The following PIPOX variants were observed in gnomAD, a reference collection of about 807,000 sequenced individuals.
PIPOX encodes peroxisomal sarcosine oxidase.
In PIPOX, 45 loss-of-function variants were observed where a neutral mutation model predicts 47.9. The ratio of observed to expected loss-of-function variants is 0.94; its 90% CI spans 0.74 to 1.20. The LOEUF is 1.20. PIPOX is among the 50% of genes most tolerant of loss of function. PIPOX has a pLI of 0.00. For missense variants in PIPOX, 458 were observed against 498.4 expected, an observed-to-expected ratio of 0.92 and a Z score of 0.77; for synonymous variants, 165 against 191.3, an observed-to-expected ratio of 0.86 and a Z score of 1.13.
intron 2 of PIPOX, among the ~76,000 whole-genome samples, chr17:29,049,573 G>A (rs8066520): frequency 0.22 from 33,846 of 152,116 alleles, 4,502 homozygotes; most frequent in African/African-American, 0.38. Context: ...CTCCAATCCC[G>A]GTTTTGACTG....
At chr17:29,049,517 G>T (rs1411173772) in intron 2 of PIPOX, among the ~76,000 whole-genome samples, 39 of 152,160 alleles carry the variant, frequency 2.6e-4, no homozygotes, top group Admixed American at 2.6e-3. Flanking sequence ...TTTTCAATCT[G>T]CCCATGGAAG....
Position 29,053,403 on chromosome 17 carries a change from G to A in PIPOX, c.478-10G>A. The A allele has an allele frequency of 6.2e-7, 1 of 1,605,936 alleles. No homozygotes were observed. Among genetic ancestry groups the A allele is most frequent in the East Asian group, 2.2e-5 (1 of 44,706 alleles). On this transcript the variant is annotated splice_polypyrimidine_tract_variant and intron_variant, in intron 3 of 7. Transcript: ENST00000323372. ...AACTAATTCACCTTTCCCTGCTCCT[G>A]CCCTTTCAGGATGCAATTCGACAGC... is the stretch of plus-strand genomic sequence containing the variant.
At chr17:29,046,814 G>C (rs1388235979) in intron 2 of PIPOX, 2 of 950,262 alleles carry the variant, frequency 2.1e-6, no homozygotes, top group Non-Finnish European at 2.5e-6. Context: ...GACACGCTCA[G>C]CTGTGTGGTT....
At position 29,052,924 on chromosome 17, in the gene PIPOX, A is replaced by T. The variant is rs778715996; in HGVS notation, c.268A>T (p.Thr90Ser). Residue 90 changes from threonine (T) to serine (S), a missense_variant, in exon 3 of 8, where the codon ACT (threonine) becomes TCT (serine). By Grantham distance (58) the Thr-to-Ser change is moderately conservative. Coordinates refer to ENST00000323372, the MANE Select transcript of PIPOX (RefSeq NM_016518.3). Reference sequence around the variant, plus strand: ...AGGTGACTTATTTTTTAACAGGCAGACTGGATTACTGCTGCTGGGAATGAA... The same window carrying T: ...AGGTGACTTATTTTTTAACAGGCAGTCTGGATTACTGCTGCTGGGAATGAA... ...HEAGTQLHRQ[T>S]GLLLLGMKEN... The T allele has an allele frequency of 3.1e-6, 5 of 1,614,080 alleles. No homozygotes were observed. Among genetic ancestry groups the T allele is most frequent in the Non-Finnish European group, 4.2e-6 (5 of 1,179,902 alleles).
Position 29,054,646 on chromosome 17 carries a change from C to CCACATCCCCCA in PIPOX, c.768_769insCCCCACACATC (p.Tyr257ProfsTer15). ...TCCTGTGGCTGGGCTTGTGTCCCCA[C>CCACATCCCCCA]CACATCTACGGACTGCCCACAGGAG... On this transcript the variant is annotated frameshift_variant, in exon 5 of 8. Transcript: ENST00000323372. LOFTEE classifies it high-confidence loss of function. 1.9e-6 allele frequency: 3 copies of CCACATCCCCCA among 1,614,198 alleles called. No homozygotes were observed. In the Admixed American group the frequency reaches 5.0e-5, roughly 27 times the overall value.
At chr17:29,053,725 C>A in intron 4 of PIPOX, 130 bp downstream of exon 4, 1 of 579,182 alleles carries the variant, frequency 1.7e-6, no homozygotes, top group Admixed American at 3.1e-5. Flanking sequence ...CCTCACCGAG[C>A]CTCAGTTTTA....
rs2065821434 is a variant in PIPOX at position 29,054,965 on chromosome 17, G to A, written c.808-98G>A. 14 of 1,491,434 alleles carry A rather than the reference G, an allele frequency of 9.4e-6. No individual in the cohort carries two copies. In the South Asian group the frequency reaches 1.3e-4, roughly 14 times the overall value. 92.4% of individuals were successfully genotyped at this position (1,491,434 alleles called of 1,614,324 possible). On this transcript the variant is annotated intron_variant, in intron 5 of 7. Transcript: ENST00000323372. The stretch of plus-strand genomic sequence containing the variant: ...TGCCAGGAGTGGGGAAGGCTGGAAT[G>A]ATGGATGGGGCTGTCCTGTGTACAC...
At chr17:29,053,623 G>A in intron 4 of PIPOX, 28 bp downstream of exon 4, 1 of 1,536,494 alleles carries the variant, frequency 6.5e-7, no homozygotes. Flanking sequence ...CCCGAGAGTT[G>A]GTGCTCAAGA....
chr17:29,043,179 C>T lies in PIPOX; in HGVS notation c.-47C>T, dbSNP rs1225627800. On this transcript the variant is annotated 5_prime_UTR_variant, in exon 1 of 8. Transcript: ENST00000323372. ...TCCTTTAGCCGGGAGCCTGTCTTTGCTTGCCTTTGCCTTTGAGGCTCTGTG... is the reference window on the plus strand; with the variant it reads ...TCCTTTAGCCGGGAGCCTGTCTTTGTTTGCCTTTGCCTTTGAGGCTCTGTG... The T allele has an allele frequency of 6.8e-7, 1 of 1,466,094 alleles. No individual in the cohort carries two copies. Among genetic ancestry groups the T allele is most frequent in the Admixed American group, 1.7e-5 (1 of 57,836 alleles). The allele number at this position is 1,466,094 out of a possible 1,614,324, so 90.8% of individuals were successfully genotyped here.
At chr17:29,044,443 G>T (rs1368442455) in intron 1 of PIPOX, 2 of 154,184 alleles carry the variant, frequency 1.3e-5, no homozygotes, top group African/African-American at 4.8e-5. Context: ...TCAGTAAATT[G>T]GTCATAAAGA....
Position 29,055,870 on chromosome 17 carries a change from A to G in PIPOX, c.1024A>G (p.Ile342Val). Residue 342 changes from isoleucine to valine, a missense_variant, in exon 7 of 8, where the codon ATT becomes GTT. Coordinates refer to ENST00000323372, the MANE Select transcript of PIPOX (RefSeq NM_016518.3). ...CCACCCAAAGTATGACAACATTGTC[A>G]TTGGTGCTGGATTCTCTGGTGAGTC... is the stretch of plus-strand genomic sequence containing the variant. ...DRHPKYDNIV[I>V]GAGFSGHGFK... The G allele has an allele frequency of 6.2e-7, 1 of 1,613,916 alleles. No homozygotes were observed. Among genetic ancestry groups the G allele is most frequent in the Non-Finnish European group, 8.5e-7 (1 of 1,179,796 alleles).
At chr17:29,045,403 CTTTTTTTTTTTTTTTT>C (rs57047541) in intron 2 of PIPOX, among the ~76,000 whole-genome samples, 6 of 50,952 alleles carry the variant, frequency 1.2e-4, no homozygotes, top group African/African-American at 2.4e-4. Flanking sequence ...CAGGAGGATT[CTTTTTTTTTTTTTTTT>C]TTTTTTTTTT....
chr17:29,045,081 C>T lies in PIPOX; in HGVS notation c.263+74C>T, dbSNP rs139463543. 1.2e-3 allele frequency: 1,802 copies of T among 1,454,970 alleles called. 3 individuals are homozygous for T. Among genetic ancestry groups the T allele is most frequent in the Middle Eastern group, 1.6e-3 (7 of 4,296 alleles). The allele number at this position is 1,454,970 out of a possible 1,614,324, so 90.1% of individuals were successfully genotyped here. On this transcript the variant is annotated intron_variant, in intron 2 of 7. Coordinates refer to ENST00000323372, the MANE Select transcript of PIPOX (RefSeq NM_016518.3). ...GTACTTTTAGTGTGTGAAGTGGCAG[C>T]GCCATGGAACATTTGGAATGCAATG...
chr17:29,049,740 C>T (rs1048199901), intron 2 of PIPOX, among the ~76,000 whole-genome samples: 5 of 152,188 alleles, frequency 3.3e-5, no homozygotes, highest in South Asian at 2.1e-4. Flanking sequence ...TCTCCAGCAG[C>T]GCACGGTTTC....
chr17:29,052,792 C>A (rs1321604095), intron 2 of PIPOX, 128 bp from the exon 3 acceptor site: 2 of 769,180 alleles, frequency 2.6e-6, no homozygotes, highest in Non-Finnish European at 2.2e-6. Context: ...TGCTAGTGAA[C>A]AAATTAGTGG....
chr17:29,051,987 A>G lies in PIPOX; in HGVS notation c.264-933A>G, dbSNP rs150034444. On this transcript the variant is annotated intron_variant, in intron 2 of 7. Transcript: ENST00000323372. ...ATCAGTTGTTCAACAGGCACGTTACAGAGGAGGAATCTGGGCCCAGAGAGG... is the reference window on the plus strand; with the variant it reads ...ATCAGTTGTTCAACAGGCACGTTACGGAGGAGGAATCTGGGCCCAGAGAGG... 1.9e-3 allele frequency: 872 copies of G among 471,142 alleles called. 8 individuals are homozygous for G. Among genetic ancestry groups the G allele is most frequent in the African/African-American group, 0.015 (737 of 50,182 alleles). 29.2% of individuals were successfully genotyped at this position (471,142 alleles called of 1,614,324 possible).
In PIPOX at chr17:29,056,407, C is replaced by T; in HGVS notation, c.*102C>T. The T allele has an allele frequency of 7.4e-7, 1 of 1,351,616 alleles. No individual in the cohort carries two copies. Among genetic ancestry groups the T allele is most frequent in the Non-Finnish European group, 1.0e-6 (1 of 969,718 alleles). 83.7% of individuals were successfully genotyped at this position (1,351,616 alleles called of 1,614,324 possible). A position where few individuals can be genotyped will look rare whatever the true frequency, so the allele number is the denominator to read the frequency against. On this transcript the variant is annotated 3_prime_UTR_variant, in exon 8 of 8. Coordinates refer to ENST00000323372, the MANE Select transcript of PIPOX (RefSeq NM_016518.3). ...GTCCCTGAGATATCATCCTTTTCTTCTGCCTCGCCTGAATCCCCCATAAAC... is the reference window on the plus strand; with the variant it reads ...GTCCCTGAGATATCATCCTTTTCTTTTGCCTCGCCTGAATCCCCCATAAAC...
intron 4 of PIPOX, among the ~76,000 whole-genome samples, chr17:29,053,826 G>A (rs374705017): frequency 7.9e-5 from 12 of 152,090 alleles, no homozygotes; most frequent in Admixed American, 5.9e-4. Context: ...CAGTTTTACC[G>A]TTCAAAGTCA....
In PIPOX at chr17:29,052,956, T is replaced by C. The variant is rs1410334713; in HGVS notation, c.300T>C (p.Asn100=). 6.2e-7 allele frequency: 1 copy of C among 1,614,210 alleles called. No individual in the cohort carries two copies. Among genetic ancestry groups the C allele is most frequent in the Admixed American group, 1.7e-5 (1 of 60,028 alleles). Reference sequence around the variant, plus strand: ...TACTGCTGCTGGGAATGAAAGAGAATCAAGAATTAAAGACAATCCAGGCCA... The same window carrying C: ...TACTGCTGCTGGGAATGAAAGAGAACCAAGAATTAAAGACAATCCAGGCCA... ...TGLLLLGMKE[N]QELKTIQANL... is the part of the protein sequence containing the mutation. Residue 100 remains asparagine (N), a synonymous_variant, in exon 3 of 8, where the codon AAT becomes AAC. Coordinates refer to ENST00000323372, the MANE Select transcript of PIPOX (RefSeq NM_016518.3).
Sources: gnomAD v4.1 joint callset for allele counts (sites outside exome capture counted in the v4.1 genomes callset) on GRCh38, gnomAD v4.1.1 for gene constraint, MANE v1.5 for transcripts, NCBI Gene and HGNC (gene_info 2026-07-23, HGNC 2026-07-21) for gene names.